EDA: variants seen among roughly 807,000 people sequenced by gnomAD.
EDA encodes the protein ectodysplasin A, also known as ectodysplasin-A.
A neutral mutation model predicts 23.6 loss-of-function variants in EDA; 2 were observed. That is an observed-to-expected ratio of 0.08 (90% confidence interval 0.03 to 0.27). EDA has a LOEUF of 0.27. Ranked by LOEUF, EDA falls within the 10% of genes least tolerant of loss-of-function variation. The pLI, the probability that EDA is intolerant of heterozygous loss-of-function variation, is 1.00. For missense variants in EDA, 229 were observed against 324.2 expected, an observed-to-expected ratio of 0.71 and a Z score of 2.26; for synonymous variants, 131 against 132.0, an observed-to-expected ratio of 0.99 and a Z score of 0.05.
chrX:69,780,729 C>T (rs2062686015), intron 1 of EDA, among the ~76,000 whole-genome samples: 1 of 109,972 alleles, frequency 9.1e-6, no homozygotes, highest in South Asian at 3.9e-4. Flanking sequence ...TTCACTCTCT[C>T]TTTCCTGTCA....
At chrX:69,651,575 T>C (rs368093996) in intron 1 of EDA, among the ~76,000 whole-genome samples, 1 of 110,908 alleles carries the variant, frequency 9.0e-6, no homozygotes, top group African/African-American at 3.3e-5. Context: ...TTCTGAGAAG[T>C]TTAATAAAAT....
intron 1 of EDA, among the ~76,000 whole-genome samples, chrX:69,868,548 C>G (rs1161098381): frequency 8.9e-6 from 1 of 112,161 alleles, no homozygotes; most frequent in Non-Finnish European, 1.9e-5. Flanking sequence ...ACCAGTAAGT[C>G]CATGGTGTTT....
intron 1 of EDA, among the ~76,000 whole-genome samples, chrX:69,850,269 C>T (rs755685420): frequency 2.7e-5 from 3 of 112,230 alleles, no homozygotes; most frequent in African/African-American, 3.2e-5. Context: ...TGACAGCATA[C>T]AACACCTCTG....
chrX:69,683,226 T>C (rs1345596825), intron 1 of EDA, among the ~76,000 whole-genome samples: 1 of 111,609 alleles, frequency 9.0e-6, no homozygotes, highest in African/African-American at 3.3e-5. Flanking sequence ...TATTGTCTCT[T>C]TCTCTCCCCA....
At chrX:69,916,804 C>G (rs890724255) in intron 1 of EDA, among the ~76,000 whole-genome samples, 1 of 110,639 alleles carries the variant, frequency 9.0e-6, no homozygotes, top group Admixed American at 9.6e-5. Flanking sequence ...TTATTGAGTT[C>G]ATAATAGGAA....
intron 1 of EDA, among the ~76,000 whole-genome samples, chrX:69,878,298 A>G (rs2017680038): frequency 8.9e-6 from 1 of 112,486 alleles, no homozygotes; most frequent in South Asian, 3.7e-4. Context: ...TGGCTCGCCA[A>G]GGGGTGCACA....
chrX:69,962,452 G>A lies in EDA; in HGVS notation c.502+5320G>A, dbSNP rs141488394. ...TCATTTTATTTTATTTTATTTTTGA[G>A]AGGGAATCTCGCTCTGTCACGCAGG... is the stretch of plus-strand genomic sequence containing the variant. On this transcript the variant is annotated intron_variant, in intron 2 of 7. Transcript: ENST00000374552. Among the ~76,000 whole-genome samples the A allele has an allele frequency of 1.5e-3, 164 of 112,201 alleles. 3 individuals carry two copies. In the East Asian group the frequency reaches 0.044, roughly 30 times the overall value.
rs745755005 is a variant in EDA, at chrX:69,800,738, G to A, written c.397-156289G>A. On this transcript the variant is annotated intron_variant, in intron 1 of 7. Coordinates refer to ENST00000374552, the MANE Select transcript of EDA (RefSeq NM_001399.5). ...ACATTTTAAAATGTAAACTATTAGA[G>A]AATTTCTCTACCTTTTGGGATAGTA... is the stretch of plus-strand genomic sequence containing the variant. 2.5e-4 allele frequency among the ~76,000 whole-genome samples: 28 copies of A among 111,760 alleles called. No individual in the cohort carries two copies. The South Asian group carries it at 9.7e-3, about 39-fold the overall frequency.
intron 1 of EDA, among the ~76,000 whole-genome samples, chrX:69,956,397 A>G (rs1433017184): frequency 1.1e-5 from 1 of 92,891 alleles, no homozygotes; most frequent in African/African-American, 4.2e-5. Flanking sequence ...GCTGGAGTGC[A>G]GTGGTGCGAC....
intron 1 of EDA, among the ~76,000 whole-genome samples, chrX:69,945,322 G>A (rs1473732897): frequency 8.9e-6 from 1 of 111,759 alleles, no homozygotes; most frequent in African/African-American, 3.3e-5. Flanking sequence ...AGAGAGAGGA[G>A]CTAAAACTGT....
At chrX:69,953,400 A>C (rs2018955993) in intron 1 of EDA, among the ~76,000 whole-genome samples, 1 of 112,313 alleles carries the variant, frequency 8.9e-6, no homozygotes, top group Non-Finnish European at 1.9e-5. Context: ...TGACAGTACC[A>C]ACCGTTGGTG....
At chrX:70,006,959 T>C (rs1003496426) in intron 2 of EDA, among the ~76,000 whole-genome samples, 1 of 111,482 alleles carries the variant, frequency 9.0e-6, no homozygotes, top group Non-Finnish European at 1.9e-5. Flanking sequence ...GTTGTCTAGA[T>C]TTTTTTGTAT....
intron 1 of EDA, among the ~76,000 whole-genome samples, chrX:69,953,791 T>G (rs1045947405): frequency 2.7e-5 from 3 of 112,014 alleles, no homozygotes; most frequent in Non-Finnish European, 5.6e-5. Flanking sequence ...TATTCATTCA[T>G]ACATATGAAA....
chrX:70,005,625 A>G (rs2019793382), intron 2 of EDA, among the ~76,000 whole-genome samples: 1 of 108,711 alleles, frequency 9.2e-6, no homozygotes, highest in Non-Finnish European at 1.9e-5. Flanking sequence ...GTATTGAGGG[A>G]AAGTGGGACT....
intron 1 of EDA, among the ~76,000 whole-genome samples, chrX:69,686,722 G>A (rs1490129164): frequency 9.0e-6 from 1 of 111,117 alleles, no homozygotes; most frequent in Non-Finnish European, 1.9e-5. Context: ...TTTTCACTTA[G>A]CATAATATTT....
In EDA at chrX:69,877,402, A is replaced by G. The variant is rs1284870667; in HGVS notation, c.397-79625A>G. ...TTCATTTTTAAAATTATTATCTCAG[A>G]CATCCTAATAAGCATATAGCAAAAT... is the stretch of plus-strand genomic sequence containing the variant. On this transcript the variant is annotated intron_variant, in intron 1 of 7. Transcript: ENST00000374552. Among the ~76,000 whole-genome samples, 6 of 112,508 alleles carry G rather than the reference A, an allele frequency of 5.3e-5. No individual in the cohort carries two copies. In the East Asian group the frequency reaches 1.4e-3, roughly 26 times the overall value.
intron 1 of EDA, among the ~76,000 whole-genome samples, chrX:69,916,691 C>T (rs2018351409): frequency 9.0e-6 from 1 of 110,782 alleles, no homozygotes; most frequent in African/African-American, 3.3e-5. Flanking sequence ...AGGCGTGAGC[C>T]ACCACACCCG....
At chrX:69,981,399 T>G (rs2019405897) in intron 2 of EDA, among the ~76,000 whole-genome samples, 1 of 111,981 alleles carries the variant, frequency 8.9e-6, no homozygotes, top group African/African-American at 3.2e-5. Flanking sequence ...TTTTGTTTTT[T>G]TCTCACTTTT....
intron 1 of EDA, among the ~76,000 whole-genome samples, chrX:69,656,145 G>T (rs1282903053): frequency 9.0e-6 from 1 of 110,645 alleles, no homozygotes; most frequent in Non-Finnish European, 1.9e-5. Flanking sequence ...TTCCACCTGT[G>T]CAGTACTGTG....
Sources: gnomAD v4.1 joint callset for allele counts (sites outside exome capture counted in the v4.1 genomes callset) on GRCh38, gnomAD v4.1.1 for gene constraint, MANE v1.5 for transcripts, NCBI Gene and HGNC (gene_info 2026-07-23, HGNC 2026-07-21) for gene names.